Variants in KCNQ1 observed in about 807,000 individuals in gnomAD.
KCNQ1 encodes the protein potassium voltage-gated channel subfamily KQT member 1.
In KCNQ1, 49 loss-of-function variants were observed where a neutral mutation model predicts 72.4. The observed-to-expected ratio is 0.68, with a 90% CI of 0.54 to 0.86. KCNQ1 has a LOEUF of 0.86. KCNQ1 is among the 40% of genes least tolerant of loss of function. The pLI is 0.00. For missense variants in KCNQ1, 790 were observed against 945.1 expected (o/e 0.84, Z 2.15); for synonymous variants, 450 against 412.6 (o/e 1.09, Z -1.10).
chr11:2,559,082 AC>A lies in KCNQ1; in HGVS notation c.478-11544del. 6.6e-6 allele frequency among the ~76,000 whole-genome samples: 1 copy of A among 152,164 alleles called. No homozygotes were observed. The highest frequency in any genetic ancestry group is 2.1e-4 in the South Asian group (1 of 4,822). ...CAAGGGGCAAGGTGGGGCTGGAGGCACCGGCTCAGCAAGAGGGGTCACTTGA... is the reference window on the plus strand; with the variant it reads ...CAAGGGGCAAGGTGGGGCTGGAGGCACGGCTCAGCAAGAGGGGTCACTTGA... On this transcript the variant is annotated intron_variant, in intron 2 of 15. Coordinates refer to ENST00000155840, the MANE Select transcript of KCNQ1 (RefSeq NM_000218.3). The surrounding 1 kb of genome is among the most constrained non-coding windows in gnomAD (Gnocchi z 4.9).
intron 10 of KCNQ1, among the ~76,000 whole-genome samples, chr11:2,605,224 C>CT (rs1848862633): frequency 6.6e-6 from 1 of 152,138 alleles, no homozygotes; most frequent in African/African-American, 2.4e-5. Context: ...CAAATATTTT[C>CT]TCCCATCTGT....
At position 2,612,747 on chromosome 11, in the gene KCNQ1, T is replaced by C. The variant is rs1849001316; in HGVS notation, c.1393+23893T>C. On this transcript the variant is annotated intron_variant, in intron 10 of 15. Coordinates refer to ENST00000155840, the MANE Select transcript of KCNQ1 (RefSeq NM_000218.3). The surrounding 1 kb of genome is among the most constrained non-coding windows in gnomAD (Gnocchi z 5.5). ...TTTGGGGCCCTTCAGAGATAATTCC[T>C]ATTTATTGCTCATTATTCTTGTTCA... is the stretch of plus-strand genomic sequence containing the variant. 5.0e-6 allele frequency: 2 copies of C among 398,520 alleles called. No individual in the cohort carries two copies. Among genetic ancestry groups the C allele is most frequent in the Non-Finnish European group, 8.8e-6 (2 of 226,068 alleles). The allele number at this position is 398,520 out of a possible 1,614,324, so 24.7% of individuals were successfully genotyped here. A position where few individuals can be genotyped will look rare whatever the true frequency, so the allele number is the denominator to read the frequency against.
chr11:2,511,102 C>T (rs1027010099), intron 1 of KCNQ1, among the ~76,000 whole-genome samples: 2 of 152,166 alleles, frequency 1.3e-5, no homozygotes, highest in African/African-American at 4.8e-5. Flanking sequence ...GTCTCTGCAC[C>T]CCTGGAGCCC....
intron 15 of KCNQ1, among the ~76,000 whole-genome samples, chr11:2,833,889 T>C (rs957423143): frequency 6.6e-6 from 1 of 152,136 alleles, no homozygotes; most frequent in African/African-American, 2.4e-5. Context: ...TTGCCAAATA[T>C]GTCCAGATGG....
In KCNQ1 at chr11:2,486,979, T is replaced by C. The variant is rs1409929727; in HGVS notation, c.387-40949T>C. Among the ~76,000 whole-genome samples, 2 of 152,206 alleles carry C rather than the reference T, an allele frequency of 1.3e-5. No homozygotes were observed. Among genetic ancestry groups the C allele is most frequent in the East Asian group, 3.8e-4 (2 of 5,202 alleles). ...CCAATGTCATGAAGCTTTTGCCCTATGTTTTCTTCTAAGATTTTTATAGTT... is the reference window on the plus strand; with the variant it reads ...CCAATGTCATGAAGCTTTTGCCCTACGTTTTCTTCTAAGATTTTTATAGTT... On this transcript the variant is annotated intron_variant, in intron 1 of 15. Coordinates refer to ENST00000155840, the MANE Select transcript of KCNQ1 (RefSeq NM_000218.3). This position sits in a 1 kb window ranked among gnomAD's most constrained non-coding sequence, Gnocchi z 5.0.
At chr11:2,467,054 G>GGGGC (rs1846362090) in intron 1 of KCNQ1, among the ~76,000 whole-genome samples, 1 of 152,190 alleles carries the variant, frequency 6.6e-6, no homozygotes, top group African/African-American at 2.4e-5. Flanking sequence ...CCGACAGATG[G>GGGGC]GGGCACTCCA....
Position 2,816,127 on chromosome 11 carries a change from G to A in KCNQ1, c.1795-31640G>A, listed in dbSNP as rs117887054. ...AGTAGCCAGGGGCAAGACCTCACAC[G>A]CCTCTGCCCATCCTGGGAAACTCAC... On this transcript the variant is annotated intron_variant, in intron 15 of 15. Coordinates refer to ENST00000155840, the MANE Select transcript of KCNQ1 (RefSeq NM_000218.3). The surrounding 1 kb of genome is among the most constrained non-coding windows in gnomAD (Gnocchi z 6.8). Among the ~76,000 whole-genome samples, 651 of 152,300 alleles carry A rather than the reference G, an allele frequency of 4.3e-3. 1 individual carries two copies. Among genetic ancestry groups the A allele is most frequent in the Non-Finnish European group, 7.6e-3 (520 of 68,028 alleles).
chr11:2,640,990 C>T (rs571152766), intron 10 of KCNQ1: 1 of 398,586 alleles, frequency 2.5e-6, no homozygotes, highest in African/African-American at 2.1e-5. Flanking sequence ...CTGCAAAGGA[C>T]ATGATTTCAT....
At position 2,646,207 on chromosome 11, in the gene KCNQ1, A is replaced by G. The variant is rs544326206; in HGVS notation, c.1394-15754A>G. ...ACCTACTTGCTATATTTTGTGGAGGAGGTGAGTGCCAGATGCCTCTAGTCA... is the reference window on the plus strand; with the variant it reads ...ACCTACTTGCTATATTTTGTGGAGGGGGTGAGTGCCAGATGCCTCTAGTCA... On this transcript the variant is annotated intron_variant, in intron 10 of 15. Transcript: ENST00000155840. 4.0e-5 allele frequency: 16 copies of G among 398,524 alleles called. 1 individual carries two copies. The East Asian group carries it at 5.7e-4, about 14-fold the overall frequency. The allele number at this position is 398,524 out of a possible 1,614,324, so 24.7% of individuals were successfully genotyped here.
In KCNQ1 at chr11:2,826,445, C is replaced by T. The variant is rs1461392847; in HGVS notation, c.1795-21322C>T. 3.9e-5 allele frequency among the ~76,000 whole-genome samples: 6 copies of T among 152,230 alleles called. No individual in the cohort carries two copies. Among genetic ancestry groups the T allele is most frequent in the African/African-American group, 9.6e-5 (4 of 41,468 alleles). On this transcript the variant is annotated intron_variant, in intron 15 of 15. Transcript: ENST00000155840. This position sits in a 1 kb window ranked among gnomAD's most constrained non-coding sequence, Gnocchi z 4.2. ...GGCAGCGCTGATGGAAACCGCCGTG[C>T]GGTTCCGCGCAGACAGTCACGGAAA... is the stretch of plus-strand genomic sequence containing the variant.
Position 2,669,752 on chromosome 11 carries a change from G to T in KCNQ1, c.1514+7671G>T, listed in dbSNP as rs1429974892. 2.5e-6 allele frequency: 1 copy of T among 398,674 alleles called. No individual in the cohort carries two copies. The highest frequency in any genetic ancestry group is 3.6e-5 in the East Asian group (1 of 28,076). The allele number at this position is 398,674 out of a possible 1,614,324, so 24.7% of individuals were successfully genotyped here. A position where few individuals can be genotyped will look rare whatever the true frequency, so the allele number is the denominator to read the frequency against. ...ATGCCTGAAAATATTAGCCAGCATA[G>T]AATGTCTCTTTGTGATGGGAGATCC... On this transcript the variant is annotated intron_variant, in intron 11 of 15. Coordinates refer to ENST00000155840, the MANE Select transcript of KCNQ1 (RefSeq NM_000218.3). This position sits in a 1 kb window ranked among gnomAD's most constrained non-coding sequence, Gnocchi z 5.6.
chr11:2,782,449 A>G lies in KCNQ1; in HGVS notation c.1794+4412A>G, dbSNP rs1442530112. On this transcript the variant is annotated intron_variant, in intron 15 of 15. Transcript: ENST00000155840. This position sits in a 1 kb window ranked among gnomAD's most constrained non-coding sequence, Gnocchi z 6.1. ...TTCATCAGGCTTTGGTGTCAAATGTATGTGAGCCTCACAGACTAACTTAAG... is the reference window on the plus strand; with the variant it reads ...TTCATCAGGCTTTGGTGTCAAATGTGTGTGAGCCTCACAGACTAACTTAAG... 6.6e-6 allele frequency among the ~76,000 whole-genome samples: 1 copy of G among 152,230 alleles called. No homozygotes were observed. Among genetic ancestry groups the G allele is most frequent in the Non-Finnish European group, 1.5e-5 (1 of 68,050 alleles).
rs773397385 is a variant in KCNQ1, at chr11:2,764,625, C to T, written c.1515-4219C>T. Among the ~76,000 whole-genome samples, 11 of 152,052 alleles carry T rather than the reference C, an allele frequency of 7.2e-5. No individual in the cohort carries two copies. The highest frequency in any genetic ancestry group is 2.2e-4 in the African/African-American group (9 of 41,470). ...ATTTGGAAGAATTTACTGGTGATGT[C>T]GTCTAGATACAGAGTTTTCTTTGCC... On this transcript the variant is annotated intron_variant, in intron 11 of 15. Transcript: ENST00000155840. This position sits in a 1 kb window ranked among gnomAD's most constrained non-coding sequence, Gnocchi z 4.8.
chr11:2,840,828 G>A (rs1275646894), intron 15 of KCNQ1, among the ~76,000 whole-genome samples: 2 of 152,310 alleles, frequency 1.3e-5, no homozygotes, highest in East Asian at 3.9e-4. Flanking sequence ...CACCCACCCT[G>A]GGAGGGAGTG....
Position 2,626,652 on chromosome 11 carries a change from T to A in KCNQ1, c.1394-35309T>A. The stretch of plus-strand genomic sequence containing the variant: ...CAAGCAATCCTCCCACCTCGGCTTC[T>A]TGAGTAGCTGGGAATAGAAGTGTGT... On this transcript the variant is annotated intron_variant, in intron 10 of 15. Transcript: ENST00000155840. This position sits in a 1 kb window ranked among gnomAD's most constrained non-coding sequence, Gnocchi z 4.0. 1 of 398,566 alleles carries A rather than the reference T, an allele frequency of 2.5e-6. No individual in the cohort carries two copies. Among genetic ancestry groups the A allele is most frequent in the Non-Finnish European group, 4.4e-6 (1 of 226,072 alleles). 24.7% of individuals were successfully genotyped at this position (398,566 alleles called of 1,614,324 possible). A position where few individuals can be genotyped will look rare whatever the true frequency, so the allele number is the denominator to read the frequency against.
chr11:2,671,215 A>G lies in KCNQ1; in HGVS notation c.1514+9134A>G. On this transcript the variant is annotated intron_variant, in intron 11 of 15. Coordinates refer to ENST00000155840, the MANE Select transcript of KCNQ1 (RefSeq NM_000218.3). The surrounding 1 kb of genome is among the most constrained non-coding windows in gnomAD (Gnocchi z 4.7). ...AGAAAAATAAAAGGTAGAGAGACAG[A>G]GGTAGACAGGAGTCCAGGTCTGACC... 1 of 398,642 alleles carries G rather than the reference A, an allele frequency of 2.5e-6. No homozygotes were observed. Among genetic ancestry groups the G allele is most frequent in the South Asian group, 1.3e-4 (1 of 7,856 alleles). 24.7% of individuals were successfully genotyped at this position (398,642 alleles called of 1,614,324 possible). A position where few individuals can be genotyped will look rare whatever the true frequency, so the allele number is the denominator to read the frequency against.
chr11:2,557,178 A>G (rs1848084937), intron 2 of KCNQ1, among the ~76,000 whole-genome samples: 1 of 152,250 alleles, frequency 6.6e-6, no homozygotes, highest in Non-Finnish European at 1.5e-5. Context: ...AAAAACAGGG[A>G]GATCAGGATG....
rs1422424648 is a variant in KCNQ1, at chr11:2,486,740, A to C, written c.387-41188A>C. On this transcript the variant is annotated intron_variant, in intron 1 of 15. Coordinates refer to ENST00000155840, the MANE Select transcript of KCNQ1 (RefSeq NM_000218.3). This position sits in a 1 kb window ranked among gnomAD's most constrained non-coding sequence, Gnocchi z 5.0. Reference sequence around the variant, plus strand: ...GCGGGAGTAGGTGTCTCATATGATGAGACAGGGAGCAAGAGAAAGGAGGTT... The same window carrying C: ...GCGGGAGTAGGTGTCTCATATGATGCGACAGGGAGCAAGAGAAAGGAGGTT... Among the ~76,000 whole-genome samples the C allele has an allele frequency of 6.6e-6, 1 of 152,148 alleles. No homozygotes were observed. The highest frequency in any genetic ancestry group is 2.4e-5 in the African/African-American group (1 of 41,408).
At position 2,483,863 on chromosome 11, in the gene KCNQ1, C is replaced by T. The variant is rs987132615; in HGVS notation, c.386+38379C>T. Among the ~76,000 whole-genome samples, 1 of 152,156 alleles carries T rather than the reference C, an allele frequency of 6.6e-6. No individual in the cohort carries two copies. Among genetic ancestry groups the T allele is most frequent in the South Asian group, 2.1e-4 (1 of 4,834 alleles). ...TTTTCCGCTTCATAATTAGTAAACACCTTGAGGAAGCTACATTGAGACATT... is the reference window on the plus strand; with the variant it reads ...TTTTCCGCTTCATAATTAGTAAACATCTTGAGGAAGCTACATTGAGACATT... On this transcript the variant is annotated intron_variant, in intron 1 of 15. Coordinates refer to ENST00000155840, the MANE Select transcript of KCNQ1 (RefSeq NM_000218.3). This position sits in a 1 kb window ranked among gnomAD's most constrained non-coding sequence, Gnocchi z 6.1.
Sources: allele counts gnomAD v4.1 joint callset (sites outside exome capture counted in the v4.1 genomes callset), GRCh38; gene constraint gnomAD v4.1.1; non-coding constraint Gnocchi (gnomAD v3.1); transcripts MANE v1.5; gene names NCBI Gene and HGNC (gene_info 2026-07-23, HGNC 2026-07-21).